The following CNBD1 variants were observed in gnomAD, a reference collection of about 807,000 sequenced individuals.
CNBD1 encodes cyclic nucleotide-binding domain-containing protein 1.
In CNBD1, 71 loss-of-function variants were observed where a neutral mutation model predicts 54.4. The observed-to-expected ratio is 1.30, with a 90% confidence interval of 1.08 to 1.59. The LOEUF is 1.59. CNBD1 is among the 40% of genes most tolerant of loss of function. The pLI, the probability that CNBD1 is intolerant of heterozygous loss-of-function variation, is 0.00. For synonymous variants in CNBD1, 182 were observed against 170.7 expected, an observed-to-expected ratio of 1.07 and a Z score of -0.51; for missense variants, 659 against 518.0, an observed-to-expected ratio of 1.27 and a Z score of -2.64.
intron 2 of CNBD1, among the ~76,000 whole-genome samples, chr8:87,414,617 A>T (rs981026382): frequency 1.3e-5 from 2 of 152,120 alleles, no homozygotes; most frequent in Admixed American, 6.6e-5. Context: ...GCTACAACTT[A>T]TATCATGTAA....
chr8:87,427,728 CTCTT>C (rs974152612), intron 2 of CNBD1, among the ~76,000 whole-genome samples: 2 of 152,106 alleles, frequency 1.3e-5, no homozygotes, highest in Non-Finnish European at 1.5e-5. Context: ...AATAAACAAA[CTCTT>C]CATTATGTCA....
intron 10 of CNBD1, among the ~76,000 whole-genome samples, chr8:87,354,912 T>C (rs1356152990): frequency 2.6e-5 from 4 of 152,182 alleles, no homozygotes; most frequent in Non-Finnish European, 4.4e-5. Flanking sequence ...ATCCTTTGGG[T>C]ATAAACCCAG....
chr8:87,064,177 A>G (rs1185232600), intron 4 of CNBD1, among the ~76,000 whole-genome samples: 1 of 152,058 alleles, frequency 6.6e-6, no homozygotes, highest in Non-Finnish European at 1.5e-5. Context: ...TCCATAACCT[A>G]AAAACAACCT....
chr8:86,970,739 G>A (rs1292003021), intron 4 of CNBD1, among the ~76,000 whole-genome samples: 1 of 152,088 alleles, frequency 6.6e-6, no homozygotes, highest in African/African-American at 2.4e-5. Context: ...AATTCACTTA[G>A]AATTTATGAC....
At chr8:86,967,057 A>G (rs1260238952) in intron 4 of CNBD1, among the ~76,000 whole-genome samples, 2 of 152,150 alleles carry the variant, frequency 1.3e-5, no homozygotes, top group Non-Finnish European at 2.9e-5. Context: ...CCTTAGCTAG[A>G]CAGAAAAGTT....
chr8:87,097,609 G>A (rs1811346065), intron 4 of CNBD1, among the ~76,000 whole-genome samples: 1 of 152,134 alleles, frequency 6.6e-6, no homozygotes, highest in Non-Finnish European at 1.5e-5. Context: ...TTTTAACTAT[G>A]ATTTTGACTT....
chr8:87,389,769 A>G (rs1811269721), intron 2 of CNBD1, among the ~76,000 whole-genome samples: 2 of 152,210 alleles, frequency 1.3e-5, no homozygotes, highest in South Asian at 4.1e-4. Flanking sequence ...TATGGAACCA[A>G]AAAGGAGCCC....
chr8:87,215,318 G>T (rs564095990), intron 5 of CNBD1, among the ~76,000 whole-genome samples: 1 of 152,204 alleles, frequency 6.6e-6, no homozygotes, highest in Admixed American at 6.5e-5. Context: ...TGCCACCTTT[G>T]GGATATGAGG....
At chr8:87,414,577 G>A (rs545862637) in intron 2 of CNBD1, among the ~76,000 whole-genome samples, 2 of 151,930 alleles carry the variant, frequency 1.3e-5, no homozygotes, top group Non-Finnish European at 1.5e-5. Flanking sequence ...GGAAGGTTAA[G>A]AAAGTAGGGG....
Position 86,874,986 on chromosome 8 carries a change from T to TTATATATATATATATATA in CNBD1, c.88+8421_88+8438dup, listed in dbSNP as rs10584669. Among the ~76,000 whole-genome samples the TTATATATATATATATATA allele has an allele frequency of 1.1e-3, 131 of 120,078 alleles. 4 individuals carry two copies. Among genetic ancestry groups the TTATATATATATATATATA allele is most frequent in the African/African-American group, 1.6e-3 (45 of 28,954 alleles). 78.8% of individuals were successfully genotyped at this position (120,078 alleles called of 152,430 possible). ...CATTTATATTTGTTTGTAAATCAAT[T>TTATATATATATATATATA]TATATATATATATATATATATATAT... On this transcript the variant is annotated intron_variant, in intron 1 of 10. Transcript: ENST00000518476.
chr8:87,355,317 G>T (rs1401935807), intron 10 of CNBD1, among the ~76,000 whole-genome samples: 1 of 152,102 alleles, frequency 6.6e-6, no homozygotes, highest in African/African-American at 2.4e-5. Context: ...CTTCTTTTCT[G>T]GGACATCTTC....
At chr8:87,391,512 G>C (rs1204272174) in intron 2 of CNBD1, among the ~76,000 whole-genome samples, 2 of 152,046 alleles carry the variant, frequency 1.3e-5, no homozygotes, top group Admixed American at 6.6e-5. Context: ...TGTAACAATG[G>C]AATATAATTG....
intron 5 of CNBD1, among the ~76,000 whole-genome samples, chr8:87,209,547 C>T (rs562439767): frequency 6.6e-6 from 1 of 152,134 alleles, no homozygotes; most frequent in East Asian, 1.9e-4. Flanking sequence ...GAAAGCTGTG[C>T]TTTCTATGCT....
chr8:87,411,538 T>C (rs1663099228), intron 2 of CNBD1, among the ~76,000 whole-genome samples: 1 of 150,344 alleles, frequency 6.7e-6, no homozygotes, highest in African/African-American at 2.4e-5. Flanking sequence ...CTTGGAAATA[T>C]GTTAAGTACA....
chr8:86,965,184 T>C (rs371010805), intron 4 of CNBD1, among the ~76,000 whole-genome samples: 2 of 152,314 alleles, frequency 1.3e-5, no homozygotes, highest in South Asian at 4.1e-4. Context: ...TCTTAACATT[T>C]TAATATTGTA....
rs981660122 is a variant in CNBD1, at chr8:87,328,488, A to G, written c.1043-23197A>G. Among the ~76,000 whole-genome samples, 4 of 151,478 alleles carry G rather than the reference A, an allele frequency of 2.6e-5. No homozygotes were observed. The East Asian group carries it at 7.8e-4, about 29-fold the overall frequency. Reference sequence around the variant, plus strand: ...ATTATATTTAATTGGCCTTTGTGCTAGTAACATACTGCTTTGATTACTGTA... The same window carrying G: ...ATTATATTTAATTGGCCTTTGTGCTGGTAACATACTGCTTTGATTACTGTA... On this transcript the variant is annotated intron_variant, in intron 8 of 10. Transcript: ENST00000518476.
At chr8:87,217,165 G>A (rs1421928758) in intron 5 of CNBD1, among the ~76,000 whole-genome samples, 1 of 151,986 alleles carries the variant, frequency 6.6e-6, no homozygotes, top group Non-Finnish European at 1.5e-5. Flanking sequence ...AATGGCAAAG[G>A]AAAATAATAA....
chr8:87,410,245 G>A lies in CNBD1; in HGVS notation c.214-18301G>A, dbSNP rs117249981. On this transcript the variant is annotated intron_variant, in intron 2 of 7. Coordinates refer to the CNBD1 transcript ENST00000521593. ...CTGCTACCACAACATTTATTCTATA[G>A]CCCAAGGATTGAAAAGTAATTTCGA... Among the ~76,000 whole-genome samples, 297 of 152,218 alleles carry A rather than the reference G, an allele frequency of 2.0e-3. 3 individuals are homozygous for A. In the East Asian group the frequency reaches 0.05, roughly 25 times the overall value.
At chr8:87,034,909 T>C (rs1315180800) in intron 4 of CNBD1, among the ~76,000 whole-genome samples, 8 of 152,156 alleles carry the variant, frequency 5.3e-5, no homozygotes, top group African/African-American at 1.9e-4. Flanking sequence ...ATGTACAATT[T>C]AAGTTCTTAG....
Sources: allele counts gnomAD v4.1 joint callset (sites outside exome capture counted in the v4.1 genomes callset), GRCh38; gene constraint gnomAD v4.1.1; transcripts MANE v1.5; gene names NCBI Gene and HGNC (gene_info 2026-07-23, HGNC 2026-07-21).